MYCBP2: variants seen among roughly 807,000 people sequenced by gnomAD.
The protein encoded by MYCBP2 is MYC binding protein 2.
In MYCBP2, 120 loss-of-function variants were observed where a neutral mutation model predicts 525.3. The ratio of observed to expected loss-of-function variants is 0.23; its 90% CI spans 0.20 to 0.27. The LOEUF (loss-of-function observed/expected upper bound fraction) is 0.27. Among genes scored for constraint, MYCBP2 ranks in the 10% least tolerant of loss-of-function variants. The probability of loss-of-function intolerance (pLI) is 1.00; values close to 1 mark genes in which losing one functional copy is unlikely to be tolerated. For missense variants in MYCBP2, 4,149 were observed against 5,657.1 expected, an observed-to-expected ratio of 0.73 and a Z score of 8.55; for synonymous variants, 1,894 against 1,955.8, an observed-to-expected ratio of 0.97 and a Z score of 0.83.
chr13:77,213,957 G>A (rs902288480), intron 21 of MYCBP2, among the ~76,000 whole-genome samples: 12 of 152,232 alleles, frequency 7.9e-5, no homozygotes, highest in African/African-American at 1.2e-4. Flanking sequence ...TGCAAAGCAC[G>A]AACAGGGAAG....
intron 33 of MYCBP2, 105 bp downstream of exon 33, chr13:77,181,596 G>T: frequency 1.4e-6 from 1 of 732,046 alleles, no homozygotes; most frequent in East Asian, 2.7e-5. Context: ...AATACGCTTA[G>T]CTTGGTGTGT....
chr13:77,093,237 A>G lies in MYCBP2; in HGVS notation c.10295T>C (p.Ile3432Thr). The G allele has an allele frequency of 6.2e-7, 1 of 1,613,428 alleles. No individual in the cohort carries two copies. The highest frequency in any genetic ancestry group is 1.7e-4 in the Middle Eastern group (1 of 6,052). Residue 3432 changes from isoleucine (I) to threonine (T), a missense_variant, in exon 59 of 83, where the codon ATA becomes ACA. Physicochemically the swap from Ile to Thr is moderately conservative, Grantham distance 89. This residue lies in a region of MYCBP2 where 509 missense variants were observed against 789.4 expected (regional missense o/e 0.64). Coordinates refer to ENST00000544440, the MANE Select transcript of MYCBP2 (RefSeq NM_015057.5). ...LRSTSVPAPY[I>T]SVTPDASPNV... Reference sequence around the variant, plus strand: ...AGGACTTGCATCAGGAGTTACTGATATATACGGGGCAGGTACAGATGTTGA... The same window carrying G: ...AGGACTTGCATCAGGAGTTACTGATGTATACGGGGCAGGTACAGATGTTGA...
chr13:77,110,037 T>C (rs940647332), intron 55 of MYCBP2: 3 of 152,138 alleles, frequency 2.0e-5, no homozygotes, highest in East Asian at 3.9e-4. Flanking sequence ...CAACATGAAA[T>C]CAGTGCACCT....
At chr13:77,118,795 A>G (rs1056485212) in intron 55 of MYCBP2, among the ~76,000 whole-genome samples, 1 of 152,160 alleles carries the variant, frequency 6.6e-6, no homozygotes, top group African/African-American at 2.4e-5. Context: ...CGAAGACTCT[A>G]TGAAGAATCA....
chr13:77,052,064 G>A (rs1440971066), intron 80 of MYCBP2, 146 bp from the exon 81 acceptor site: 6 of 620,656 alleles, frequency 9.7e-6, no homozygotes, highest in African/African-American at 3.7e-5. Flanking sequence ...CCAAGTGCAT[G>A]CCCATATTGC....
In MYCBP2 at chr13:77,229,959, C is replaced by G. The variant is rs140790174; in HGVS notation, c.2737+3197G>C. 2.9e-3 allele frequency among the ~76,000 whole-genome samples: 436 copies of G among 152,244 alleles called. 2 individuals carry two copies. Among genetic ancestry groups the G allele is most frequent in the South Asian group, 0.019 (94 of 4,830 alleles). The stretch of plus-strand genomic sequence containing the variant: ...ATTCAGATGTTCCTAACTATGTACA[C>G]TATTAACACATTTTTCTGTGTAAGG... On this transcript the variant is annotated intron_variant, in intron 18 of 82. Transcript: ENST00000544440.
chr13:77,233,763 G>A (rs1215256525), intron 17 of MYCBP2, among the ~76,000 whole-genome samples: 3 of 151,542 alleles, frequency 2.0e-5, no homozygotes, highest in South Asian at 4.2e-4. Flanking sequence ...AAATGTTACC[G>A]AGTTTACTAC....
Position 77,140,256 on chromosome 13 carries a change from A to G in MYCBP2, c.7402-93T>C. The G allele has an allele frequency of 5.6e-6, 4 of 718,944 alleles. No individual in the cohort carries two copies. The South Asian group carries it at 9.5e-5, about 17-fold the overall frequency. The allele number at this position is 718,944 out of a possible 1,614,324, so 44.5% of individuals were successfully genotyped here. On this transcript the variant is annotated intron_variant, in intron 50 of 82. Coordinates refer to ENST00000544440, the MANE Select transcript of MYCBP2 (RefSeq NM_015057.5). ...AGTAAAATTAAGCAGGTTTGAAAGT[A>G]TCGTAATTCTTAATAAGGTTCCAGA...
chr13:77,305,841 C>G (rs1298147646), intron 1 of MYCBP2, among the ~76,000 whole-genome samples: 4 of 152,120 alleles, frequency 2.6e-5, no homozygotes, highest in African/African-American at 7.2e-5. Context: ...TCAACAACCA[C>G]TAGTGATGAA....
chr13:77,264,129 CT>C, intron 8 of MYCBP2, 127 bp from the exon 9 acceptor site: 2 of 579,754 alleles, frequency 3.4e-6, no homozygotes, highest in Non-Finnish European at 2.9e-6. Context: ...GGAGACTGTG[CT>C]TTTTAATAAA....
intron 62 of MYCBP2, among the ~76,000 whole-genome samples, chr13:77,086,348 A>G (rs573437065): frequency 6.6e-6 from 1 of 152,120 alleles, no homozygotes; most frequent in South Asian, 2.1e-4. Context: ...TTGAAAGCTA[A>G]TATTTTTTTC....
chr13:77,199,666 T>A (rs960592604), intron 26 of MYCBP2, among the ~76,000 whole-genome samples: 12 of 152,314 alleles, frequency 7.9e-5, no homozygotes, highest in African/African-American at 2.6e-4. Flanking sequence ...AAGAGAGCAG[T>A]GGTTCTCCCA....
chr13:77,069,111 G>A (rs181274913), intron 69 of MYCBP2, among the ~76,000 whole-genome samples: 2 of 152,256 alleles, frequency 1.3e-5, no homozygotes, highest in Admixed American at 6.5e-5. Context: ...AGTTTAGCAC[G>A]TCAAAAACCA....
rs914918377 is a variant in MYCBP2, at chr13:77,266,830, T to G, written c.1357+1011A>C. ...AAAATGATTTTATTAAGTCATCCGCTTTCCAAAGCTCCTCTATTTCTGAAA... is the reference window on the plus strand; with the variant it reads ...AAAATGATTTTATTAAGTCATCCGCGTTCCAAAGCTCCTCTATTTCTGAAA... On this transcript the variant is annotated intron_variant, in intron 8 of 82. Transcript: ENST00000544440. Among the ~76,000 whole-genome samples the G allele has an allele frequency of 4.0e-5, 6 of 151,510 alleles. 1 individual carries two copies. Among genetic ancestry groups the G allele is most frequent in the African/African-American group, 1.5e-4 (6 of 41,280 alleles).
chr13:77,183,541 C>CTTT (rs60927409), intron 32 of MYCBP2, among the ~76,000 whole-genome samples: 3,056 of 65,996 alleles, frequency 0.046, 988 homozygotes, highest in Non-Finnish European at 0.055. Context: ...GTCCCTATTT[C>CTTT]TTTTTTTTTT....
intron 48 of MYCBP2, among the ~76,000 whole-genome samples, chr13:77,145,230 A>G: frequency 6.6e-6 from 1 of 152,124 alleles, no homozygotes; most frequent in Non-Finnish European, 1.5e-5. Flanking sequence ...CCACGTCCCC[A>G]AGTTCAATGG....
At chr13:77,259,276 G>A (rs532346438) in intron 13 of MYCBP2, among the ~76,000 whole-genome samples, 254 of 151,530 alleles carry the variant, frequency 1.7e-3, no homozygotes, top group Middle Eastern at 0.014. Context: ...AAAAAAAAAA[G>A]TGTTGGTGCT....
intron 18 of MYCBP2, 83 bp downstream of exon 18, chr13:77,233,073 G>T: frequency 8.5e-7 from 1 of 1,171,976 alleles, no homozygotes; most frequent in Non-Finnish European, 1.3e-6. Flanking sequence ...AATCAGGTTT[G>T]TGCATTTTCC....
chr13:77,100,985 T>A (rs2046981800), intron 55 of MYCBP2, among the ~76,000 whole-genome samples: 1 of 152,112 alleles, frequency 6.6e-6, no homozygotes, highest in Non-Finnish European at 1.5e-5. Context: ...ACTGACCTAG[T>A]AACAGCATAT....
Sources: allele counts gnomAD v4.1 joint callset (sites outside exome capture counted in the v4.1 genomes callset), GRCh38; gene constraint gnomAD v4.1.1; regional missense constraint gnomAD v4.1.1; transcripts MANE v1.5; gene names NCBI Gene and HGNC (gene_info 2026-07-23, HGNC 2026-07-21).